Variants in PKHD1 observed in about 807,000 individuals in gnomAD.
The protein encoded by PKHD1 is PKHD1 ciliary IPT domain containing fibrocystin/polyductin.
A neutral mutation model predicts 412.0 loss-of-function variants in PKHD1; 291 were observed. That is an observed-to-expected ratio of 0.71 (90% CI 0.64 to 0.78). PKHD1 has a LOEUF of 0.78. Ranked by LOEUF, PKHD1 falls within the 30% of genes least tolerant of loss-of-function variation. PKHD1 has a pLI of 0.00. For missense variants in PKHD1, 4,825 were observed against 4,950.7 expected (o/e 0.97, Z 0.76); for synonymous variants, 1,777 against 1,821.5 (o/e 0.98, Z 0.62).
chr6:51,756,834 T>C (rs910660943), intron 55 of PKHD1, among the ~76,000 whole-genome samples: 1 of 152,190 alleles, frequency 6.6e-6, no homozygotes, highest in Non-Finnish European at 1.5e-5. Flanking sequence ...ATAGTTAGTA[T>C]TTCTCAGTAG....
chr6:51,846,904 G>A (rs557335904), intron 50 of PKHD1, among the ~76,000 whole-genome samples: 9 of 152,106 alleles, frequency 5.9e-5, no homozygotes, highest in East Asian at 3.9e-4. Context: ...TCTCTACCTT[G>A]GACTCTCTAC....
intron 61 of PKHD1, among the ~76,000 whole-genome samples, chr6:51,654,535 T>C (rs1771499410): frequency 6.6e-6 from 1 of 152,098 alleles, no homozygotes; most frequent in Non-Finnish European, 1.5e-5. Context: ...CTTAAATTAA[T>C]TGATTTTAAG....
At chr6:52,011,005 G>A (rs1799749070) in intron 34 of PKHD1, among the ~76,000 whole-genome samples, 1 of 152,078 alleles carries the variant, frequency 6.6e-6, no homozygotes, top group Admixed American at 6.6e-5. Flanking sequence ...CTTCCCAGCT[G>A]ATGGCAATGA....
chr6:51,915,479 T>C (rs1301298437), intron 37 of PKHD1, among the ~76,000 whole-genome samples: 1 of 152,086 alleles, frequency 6.6e-6, no homozygotes, highest in Non-Finnish European at 1.5e-5. Flanking sequence ...ATCAATGCCT[T>C]TCACAGTGTC....
At position 51,618,794 on chromosome 6, in the gene PKHD1, AGTT is replaced by A; in HGVS notation, c.*284_*286del. 1 of 449,134 alleles carries A rather than the reference AGTT, an allele frequency of 2.2e-6. No individual in the cohort carries two copies. Among genetic ancestry groups the A allele is most frequent in the Non-Finnish European group, 4.1e-6 (1 of 243,362 alleles). The allele number at this position is 449,134 out of a possible 1,614,324, so 27.8% of individuals were successfully genotyped here. ...ATAAGTCAGTATTACACCATTATCA[AGTT>A]GTTAAAATCAGGCTTAAGTTAAAAA... On this transcript the variant is annotated 3_prime_UTR_variant, in exon 67 of 67. Coordinates refer to ENST00000371117, the MANE Select transcript of PKHD1 (RefSeq NM_138694.4).
chr6:51,649,906 T>A (rs1016915918), intron 61 of PKHD1, among the ~76,000 whole-genome samples: 1 of 152,220 alleles, frequency 6.6e-6, no homozygotes, highest in Non-Finnish European at 1.5e-5. Flanking sequence ...ATATTTAGAA[T>A]TGATATTTAC....
chr6:52,052,960 A>G (rs778063796), intron 21 of PKHD1, 116 bp downstream of exon 21: 320 of 896,836 alleles, frequency 3.6e-4, no homozygotes, highest in Admixed American at 9.6e-4. Flanking sequence ...GAGCCAAGGC[A>G]GGCAAAAAGG....
intron 52 of PKHD1, among the ~76,000 whole-genome samples, chr6:51,797,625 T>C (rs2894791): frequency 0.59 from 89,798 of 152,020 alleles, 27,196 homozygotes; most frequent in East Asian, 0.83. Flanking sequence ...TTGCAACCCC[T>C]GCTTTTTTTC....
intron 60 of PKHD1, among the ~76,000 whole-genome samples, chr6:51,699,821 C>G (rs1038314295): frequency 6.6e-6 from 1 of 151,820 alleles, no homozygotes; most frequent in Non-Finnish European, 1.5e-5. Context: ...TTACGAAGAT[C>G]AGAACCACAC....
chr6:51,868,404 C>T (rs1216187121), intron 47 of PKHD1, among the ~76,000 whole-genome samples: 1 of 151,994 alleles, frequency 6.6e-6, no homozygotes, highest in Non-Finnish European at 1.5e-5. Flanking sequence ...TTTTACCTTC[C>T]AAGAGACATG....
rs147382284 is a variant in PKHD1, at chr6:51,893,646, A to C, written c.6997-6401T>G. Among the ~76,000 whole-genome samples, 377 of 152,358 alleles carry C rather than the reference A, an allele frequency of 2.5e-3. 3 individuals are homozygous for C. Among genetic ancestry groups the C allele is most frequent in the African/African-American group, 8.1e-3 (337 of 41,582 alleles). The stretch of plus-strand genomic sequence containing the variant: ...AGGGAATTTTGTGTGGAAATCAATT[A>C]TTTGCGGAAGTCAATGTATTATGGA... On this transcript the variant is annotated intron_variant, in intron 43 of 66. Coordinates refer to ENST00000371117, the MANE Select transcript of PKHD1 (RefSeq NM_138694.4).
At chr6:51,777,005 A>G (rs140054909) in intron 53 of PKHD1, among the ~76,000 whole-genome samples, 3 of 152,238 alleles carry the variant, frequency 2.0e-5, no homozygotes, top group African/African-American at 7.2e-5. Flanking sequence ...AAGTTATTAA[A>G]GTCAGTTGTT....
chr6:51,809,579 A>C (rs1764369438), intron 52 of PKHD1, among the ~76,000 whole-genome samples: 1 of 152,080 alleles, frequency 6.6e-6, no homozygotes, highest in African/African-American at 2.4e-5. Context: ...AATTTTAACT[A>C]GGCTTACTTG....
intron 43 of PKHD1, among the ~76,000 whole-genome samples, chr6:51,887,455 C>A (rs1562536454): frequency 6.6e-6 from 1 of 152,016 alleles, no homozygotes; most frequent in Non-Finnish European, 1.5e-5. Context: ...GCCCATATCT[C>A]AGGTTGAATT....
intron 43 of PKHD1, among the ~76,000 whole-genome samples, chr6:51,889,113 A>G (rs1037794877): frequency 3.9e-5 from 6 of 152,010 alleles, no homozygotes; most frequent in South Asian, 2.1e-4. Context: ...ACATGATTCA[A>G]TCCTGATCAC....
At chr6:51,732,862 TAGCTAA>T (rs1322606136) in intron 60 of PKHD1, among the ~76,000 whole-genome samples, 1 of 152,190 alleles carries the variant, frequency 6.6e-6, no homozygotes, top group African/African-American at 2.4e-5. Flanking sequence ...TTATTTACAA[TAGCTAA>T]AACATGGAAG....
chr6:51,971,508 T>C (rs183559663), intron 35 of PKHD1, among the ~76,000 whole-genome samples: 4 of 152,162 alleles, frequency 2.6e-5, no homozygotes, highest in Admixed American at 2.6e-4. Flanking sequence ...TAAGACCTGA[T>C]GCAGACCTTT....
intron 52 of PKHD1, among the ~76,000 whole-genome samples, chr6:51,825,779 A>G (rs1318419696): frequency 1.3e-5 from 2 of 152,046 alleles, no homozygotes; most frequent in South Asian, 2.1e-4. Context: ...TCCACTTGTC[A>G]CCATTCTGAT....
rs576746754 is a variant in PKHD1, at chr6:51,987,498, C to T, written c.5751+22811G>A. Among the ~76,000 whole-genome samples, 52 of 152,226 alleles carry T rather than the reference C, an allele frequency of 3.4e-4. 1 individual carries two copies. Among genetic ancestry groups the T allele is most frequent in the African/African-American group, 1.0e-3 (43 of 41,532 alleles). On this transcript the variant is annotated intron_variant, in intron 35 of 66. Transcript: ENST00000371117. ...GAAAGTAACATGACCAAAAACAAAA[C>T]GCTGGAAAGTGGTGGAACCAAGGCT...
Sources: allele counts gnomAD v4.1 joint callset (sites outside exome capture counted in the v4.1 genomes callset), GRCh38; gene constraint gnomAD v4.1.1; transcripts MANE v1.5; gene names NCBI Gene and HGNC (gene_info 2026-07-23, HGNC 2026-07-21).